Variants in ADGRV1 observed in about 807,000 individuals in gnomAD.
The protein encoded by ADGRV1 is adhesion G protein-coupled receptor V1.
A neutral mutation model predicts 596.2 loss-of-function variants in ADGRV1; 359 were observed. That is an observed-to-expected ratio of 0.60 (90% CI 0.55 to 0.66). The LOEUF (loss-of-function observed/expected upper bound fraction) is 0.66, where lower values mean the gene tolerates loss of function less well. Among genes scored for constraint, ADGRV1 ranks in the 30% least tolerant of loss-of-function variants. ADGRV1 has a pLI of 0.00. For missense variants in ADGRV1, 7,274 were observed against 7,575.6 expected (o/e 0.96, Z 1.48); for synonymous variants, 2,681 against 2,679.2 (o/e 1.00, Z -0.02).
chr5:90,769,211 A>C (rs1205116309), intron 59 of ADGRV1, among the ~76,000 whole-genome samples: 1 of 152,074 alleles, frequency 6.6e-6, no homozygotes, highest in Non-Finnish European at 1.5e-5. Flanking sequence ...CACGTTCAAG[A>C]GAAGTTTGTT....
chr5:91,142,594 A>T (rs1436140413), intron 87 of ADGRV1, among the ~76,000 whole-genome samples: 1 of 151,796 alleles, frequency 6.6e-6, no homozygotes, highest in South Asian at 2.1e-4. Flanking sequence ...ACTTCTTCCC[A>T]CCCCACCCCA....
intron 1 of ADGRV1, among the ~76,000 whole-genome samples, chr5:90,572,189 A>G (rs1756615315): frequency 6.6e-6 from 1 of 152,138 alleles, no homozygotes; most frequent in Non-Finnish European, 1.5e-5. Context: ...TGGAATGGGC[A>G]GAAGAGAGCA....
At chr5:90,735,107 G>C (rs1753051995) in intron 50 of ADGRV1, among the ~76,000 whole-genome samples, 1 of 152,194 alleles carries the variant, frequency 6.6e-6, no homozygotes, top group Non-Finnish European at 1.5e-5. Context: ...TCCTTGCCCA[G>C]ATTAATGTCA....
chr5:90,841,039 A>G, intron 78 of ADGRV1, 54 bp downstream of exon 78: 1 of 1,332,610 alleles, frequency 7.5e-7, no homozygotes, highest in Non-Finnish European at 9.9e-7. Context: ...TAAATTTAAA[A>G]ACCCAAGTAA....
intron 83 of ADGRV1, among the ~76,000 whole-genome samples, chr5:90,950,293 G>A (rs967742180): frequency 6.6e-6 from 1 of 152,064 alleles, no homozygotes; most frequent in African/African-American, 2.4e-5. Context: ...ATAGTGGAAA[G>A]GGGTAAGGAT....
rs200187681 is a variant in ADGRV1 at position 90,637,731 on chromosome 5, A to G, written c.2023A>G (p.Ile675Val). The change falls in exon 11 of 90, where the codon ATT becomes GTT. Residue 675 changes from isoleucine to valine, a missense_variant. Coordinates refer to ENST00000405460, the MANE Select transcript of ADGRV1 (RefSeq NM_032119.4). Reference protein sequence around the residue: ...PEDFAAEVVYIPLHRDGTDGQ... With the variant: ...PEDFAAEVVYVPLHRDGTDGQ... ...GTTCTTTTCTTTTTATAAGGTATAC[A>G]TTCCCTTACATCGGGATGGAACTGA... 2 of 1,605,190 alleles carry G rather than the reference A, an allele frequency of 1.2e-6. No homozygotes were observed. Among genetic ancestry groups the G allele is most frequent in the African/African-American group, 1.3e-5 (1 of 74,530 alleles).
At chr5:90,838,567 C>A (rs1471138880) in intron 77 of ADGRV1, among the ~76,000 whole-genome samples, 2 of 152,204 alleles carry the variant, frequency 1.3e-5, no homozygotes, top group African/African-American at 4.8e-5. Flanking sequence ...ACTTGAATGT[C>A]TAAGAGGCAT....
intron 85 of ADGRV1, among the ~76,000 whole-genome samples, chr5:91,021,403 A>G (rs1181082345): frequency 6.6e-6 from 1 of 152,144 alleles, no homozygotes; most frequent in Non-Finnish European, 1.5e-5. Flanking sequence ...TACAAAGTTA[A>G]GTACAGAAAA....
intron 87 of ADGRV1, among the ~76,000 whole-genome samples, chr5:91,124,179 A>G (rs1793560402): frequency 1.3e-5 from 2 of 152,124 alleles, no homozygotes; most frequent in Non-Finnish European, 2.9e-5. Context: ...TTTTGTGTGT[A>G]TTAATTCTGA....
At chr5:90,688,951 T>A (rs1452316499) in intron 29 of ADGRV1, among the ~76,000 whole-genome samples, 1 of 152,132 alleles carries the variant, frequency 6.6e-6, no homozygotes, top group Non-Finnish European at 1.5e-5. Flanking sequence ...CTATTTTATA[T>A]ATAAGAAAAT....
intron 2 of ADGRV1, 39 bp downstream of exon 2, chr5:90,615,058 TATG>T (rs1207269253): frequency 8.0e-7 from 1 of 1,255,546 alleles, no homozygotes; most frequent in Admixed American, 3.3e-5. Context: ...CTGAAATAGA[TATG>T]ACGTTTCTTA....
intron 1 of ADGRV1, among the ~76,000 whole-genome samples, chr5:90,595,799 C>A (rs1296973069): frequency 3.5e-5 from 5 of 143,184 alleles, no homozygotes; most frequent in African/African-American, 7.8e-5. Context: ...CTGACCCCCC[C>A]ACCTCCCTCC....
chr5:90,840,401 C>T (rs1330193427), intron 77 of ADGRV1, among the ~76,000 whole-genome samples, 177 bp from the exon 78 acceptor site: 1 of 152,156 alleles, frequency 6.6e-6, no homozygotes, highest in East Asian at 1.9e-4. Flanking sequence ...ATTTATCTCT[C>T]TAATTTATCT....
chr5:91,116,169 G>T (rs1345680554), intron 87 of ADGRV1, among the ~76,000 whole-genome samples: 1 of 152,140 alleles, frequency 6.6e-6, no homozygotes, highest in African/African-American at 2.4e-5. Flanking sequence ...GGTCTGGGAA[G>T]TTTTATTTTC....
At chr5:90,999,623 T>G (rs1235389534) in intron 85 of ADGRV1, among the ~76,000 whole-genome samples, 1 of 152,092 alleles carries the variant, frequency 6.6e-6, no homozygotes, top group African/African-American at 2.4e-5. Context: ...TTATTCCCAT[T>G]ACAAATTTTA....
chr5:90,985,591 C>A, intron 85 of ADGRV1, 69 bp downstream of exon 85: 2 of 1,181,622 alleles, frequency 1.7e-6, no homozygotes, highest in Non-Finnish European at 2.5e-6. Context: ...GCCATAAGAG[C>A]TGTGATTGAA....
intron 86 of ADGRV1, among the ~76,000 whole-genome samples, chr5:91,093,155 G>A (rs1448160404): frequency 9.2e-5 from 14 of 152,120 alleles, no homozygotes; most frequent in Non-Finnish European, 1.5e-4. Context: ...CAGGACTTAC[G>A]GTACAGAGAA....
At chr5:90,768,012 G>A (rs913796005) in intron 59 of ADGRV1, among the ~76,000 whole-genome samples, 3 of 152,136 alleles carry the variant, frequency 2.0e-5, no homozygotes, top group African/African-American at 7.2e-5. Context: ...TTAGAAATTA[G>A]TTTCAAATGT....
At chr5:91,135,020 A>G (rs536327157) in intron 87 of ADGRV1, among the ~76,000 whole-genome samples, 1 of 152,196 alleles carries the variant, frequency 6.6e-6, no homozygotes, top group South Asian at 2.1e-4. Flanking sequence ...CGTCTCTACA[A>G]GAAAAACAAA....
Sources: allele counts gnomAD v4.1 joint callset (sites outside exome capture counted in the v4.1 genomes callset), GRCh38; gene constraint gnomAD v4.1.1; transcripts MANE v1.5; gene names NCBI Gene and HGNC (gene_info 2026-07-23, HGNC 2026-07-21).